The following TRPC4 variants were observed in gnomAD, a reference collection of about 807,000 sequenced individuals.
TRPC4 encodes transient receptor potential cation channel subfamily C member 4.
TRPC4 carries 49 observed loss-of-function variants against 99.4 expected under a neutral mutation model. The ratio of observed to expected loss-of-function variants is 0.49; its 90% CI spans 0.39 to 0.63. The LOEUF (loss-of-function observed/expected upper bound fraction) is 0.63, where lower values mean the gene tolerates loss of function less well. Among genes scored for constraint, TRPC4 ranks in the 20% least tolerant of loss-of-function variants. The pLI, the probability that TRPC4 is intolerant of heterozygous loss-of-function variation, is 0.00. For synonymous variants in TRPC4, 454 were observed against 425.9 expected (o/e 1.07, Z -0.81); for missense variants, 898 against 1,152.9 (o/e 0.78, Z 3.20).
At chr13:37,824,753 C>T (rs558517405) in intron 1 of TRPC4, among the ~76,000 whole-genome samples, 9 of 152,166 alleles carry the variant, frequency 5.9e-5, no homozygotes, top group African/African-American at 2.2e-4. Context: ...TGTGTCTCTG[C>T]CAGGCTTTGG....
chr13:37,667,539 C>A (rs374442268), intron 5 of TRPC4, among the ~76,000 whole-genome samples: 1 of 152,200 alleles, frequency 6.6e-6, no homozygotes, highest in Non-Finnish European at 1.5e-5. Flanking sequence ...AACTCCTGAT[C>A]TCAGGTGGTC....
intron 1 of TRPC4, among the ~76,000 whole-genome samples, chr13:37,817,799 T>G (rs1002929317): frequency 2.6e-5 from 4 of 152,046 alleles, no homozygotes; most frequent in Admixed American, 6.6e-5. Context: ...AATGTCCTAT[T>G]TGATAAATGG....
In TRPC4 at chr13:37,637,375, G is replaced by C; in HGVS notation, c.2462C>G (p.Ser821Cys). Residue 821 changes from serine (S) to cysteine (C), a missense_variant, in exon 11 of 11, where the codon TCT (serine) becomes TGT (cysteine). Physicochemically the swap from Ser to Cys is moderately radical, Grantham distance 112. Around this residue, in one of 3 missense-constraint regions of TRPC4, gnomAD observed 346 missense variants for 351.4 expected, o/e 0.98. Transcript: ENST00000379705. ...ASERHNISNG[S>C]ALVVQEPPRE... The stretch of plus-strand genomic sequence containing the variant: ...GGGCGGCTCCTGAACCACCAGGGCA[G>C]AGCCATTGCTTATGTTATGTCTTTC... 1 of 1,613,610 alleles carries C rather than the reference G, an allele frequency of 6.2e-7. No individual in the cohort carries two copies. The highest frequency in any genetic ancestry group is 1.1e-5 in the South Asian group (1 of 91,060).
chr13:37,849,578 G>A (rs756894155), intron 1 of TRPC4, among the ~76,000 whole-genome samples: 5 of 152,122 alleles, frequency 3.3e-5, no homozygotes, highest in Admixed American at 6.5e-5. Context: ...CTAAATCCAC[G>A]CTAACTTCTG....
At chr13:37,703,699 G>A (rs1184509667) in intron 3 of TRPC4, among the ~76,000 whole-genome samples, 2 of 152,124 alleles carry the variant, frequency 1.3e-5, no homozygotes, top group Non-Finnish European at 2.9e-5. Flanking sequence ...GTTGATACAT[G>A]TTTGCAGACA....
At chr13:37,714,161 CTG>C in intron 3 of TRPC4, among the ~76,000 whole-genome samples, 1 of 150,756 alleles carries the variant, frequency 6.6e-6, no homozygotes, top group East Asian at 2.0e-4. Flanking sequence ...TTGTCTTACT[CTG>C]TCGCCCAGGC....
rs946757280 is a variant in TRPC4 at position 37,632,215 on chromosome 13, T to G, written c.*4688A>C. ...CCTGAGCAGCACTGTCCAATAGAAA[T>G]GTATTGCAAGGCACAAATGCAAGCC... is the stretch of plus-strand genomic sequence containing the variant. On this transcript the variant is annotated 3_prime_UTR_variant, in exon 11 of 11. Coordinates refer to ENST00000379705, the MANE Select transcript of TRPC4 (RefSeq NM_016179.4). 6.6e-6 allele frequency among the ~76,000 whole-genome samples: 1 copy of G among 152,214 alleles called. No individual in the cohort carries two copies. The highest frequency in any genetic ancestry group is 2.4e-5 in the African/African-American group (1 of 41,464).
chr13:37,785,957 A>C (rs1200557601), intron 1 of TRPC4, among the ~76,000 whole-genome samples: 1 of 152,046 alleles, frequency 6.6e-6, no homozygotes, highest in Non-Finnish European at 1.5e-5. Context: ...TACACTACAC[A>C]AAAAAAGAGA....
chr13:37,639,630 C>T (rs1209538765), intron 8 of TRPC4, among the ~76,000 whole-genome samples: 1 of 151,766 alleles, frequency 6.6e-6, no homozygotes, highest in African/African-American at 2.4e-5. Flanking sequence ...AGAGATAGGA[C>T]ATATCAAATA....
chr13:37,745,405 C>T (rs1344643030), intron 3 of TRPC4, among the ~76,000 whole-genome samples: 1 of 141,856 alleles, frequency 7.0e-6, no homozygotes, highest in East Asian at 2.1e-4. Flanking sequence ...CCTGCAGATA[C>T]AGAAGGCTGA....
chr13:37,694,960 A>T (rs1474790343), intron 3 of TRPC4, among the ~76,000 whole-genome samples: 3 of 152,198 alleles, frequency 2.0e-5, no homozygotes, highest in Non-Finnish European at 2.9e-5. Flanking sequence ...TTACTTGTCT[A>T]CACCAGCATT....
At chr13:37,698,040 GC>G (rs1250258893) in intron 3 of TRPC4, among the ~76,000 whole-genome samples, 3 of 151,864 alleles carry the variant, frequency 2.0e-5, no homozygotes, top group South Asian at 2.1e-4. Context: ...AATTGAGCAA[GC>G]AGCAGGATCA....
Position 37,780,598 on chromosome 13 carries a change from T to C in TRPC4, c.378+2358A>G, listed in dbSNP as rs17056644. Reference sequence around the variant, plus strand: ...TTGCTACTTACAACACAGTGATTTATGAAAACTGTCATTCCAAAAGATGTT... The same window carrying C: ...TTGCTACTTACAACACAGTGATTTACGAAAACTGTCATTCCAAAAGATGTT... On this transcript the variant is annotated intron_variant, in intron 2 of 10. Transcript: ENST00000379705. 8.6e-3 allele frequency among the ~76,000 whole-genome samples: 1,313 copies of C among 152,252 alleles called. 16 individuals carry two copies. Among genetic ancestry groups the C allele is most frequent in the African/African-American group, 0.03 (1,248 of 41,562 alleles).
chr13:37,686,322 A>C (rs983118705), intron 4 of TRPC4, among the ~76,000 whole-genome samples: 1 of 152,080 alleles, frequency 6.6e-6, no homozygotes, highest in Admixed American at 6.6e-5. Context: ...ATATGTATAC[A>C]TACATATATA....
chr13:37,773,470 A>T (rs541645030), intron 2 of TRPC4, among the ~76,000 whole-genome samples: 1 of 151,952 alleles, frequency 6.6e-6, no homozygotes, highest in Non-Finnish European at 1.5e-5. Flanking sequence ...AACCCCTGTT[A>T]CTTAGTAGTG....
intron 3 of TRPC4, among the ~76,000 whole-genome samples, chr13:37,693,269 C>T (rs947202302): frequency 2.0e-5 from 3 of 151,746 alleles, no homozygotes; most frequent in Non-Finnish European, 4.4e-5. Flanking sequence ...ATGCTTCCAC[C>T]GGGACATATT....
Position 37,660,361 on chromosome 13 carries a change from T to C in TRPC4, c.1688+3055A>G, listed in dbSNP as rs145565895. ...TGAGCAGATAAATATCCATAGTTAA[T>C]GGTGATAAGAAGGCTCCAGGTGATA... On this transcript the variant is annotated intron_variant, in intron 6 of 10. Coordinates refer to ENST00000379705, the MANE Select transcript of TRPC4 (RefSeq NM_016179.4). 3.2e-3 allele frequency among the ~76,000 whole-genome samples: 484 copies of C among 152,256 alleles called. 4 individuals are homozygous for C. Among genetic ancestry groups the C allele is most frequent in the African/African-American group, 0.011 (472 of 41,558 alleles).
intron 4 of TRPC4, among the ~76,000 whole-genome samples, chr13:37,679,196 A>C (rs995817871): frequency 6.6e-6 from 1 of 152,150 alleles, no homozygotes; most frequent in Non-Finnish European, 1.5e-5. Context: ...TATTAAAAAA[A>C]CTGGCAAACA....
chr13:37,810,907 G>A (rs1166361769), intron 1 of TRPC4, among the ~76,000 whole-genome samples: 1 of 151,816 alleles, frequency 6.6e-6, no homozygotes, highest in African/African-American at 2.4e-5. Context: ...TGTACTCTAT[G>A]TATTTTAGTT....
Sources: gnomAD v4.1 joint callset for allele counts (sites outside exome capture counted in the v4.1 genomes callset) on GRCh38, gnomAD v4.1.1 for gene constraint, gnomAD v4.1.1 regional missense constraint, MANE v1.5 for transcripts, NCBI Gene and HGNC (gene_info 2026-07-23, HGNC 2026-07-21) for gene names.